The following PTPRE variants were observed in gnomAD, a reference collection of about 807,000 sequenced individuals.
PTPRE encodes the protein protein tyrosine phosphatase receptor type E.
In PTPRE, 51 loss-of-function variants were observed where a neutral mutation model predicts 102.0. The observed-to-expected ratio is 0.50, with a 90% confidence interval of 0.40 to 0.63. PTPRE has a LOEUF of 0.63. Among genes scored for constraint, PTPRE ranks in the 30% least tolerant of loss-of-function variants. PTPRE has a pLI of 0.00. For synonymous variants in PTPRE, 345 were observed against 348.2 expected (o/e 0.99, Z 0.10); for missense variants, 752 against 915.1 (o/e 0.82, Z 2.30).
At chr10:128,041,140 A>G (rs559386845) in intron 3 of PTPRE, 150 bp downstream of exon 3, 1 of 713,188 alleles carries the variant, frequency 1.4e-6, no homozygotes, top group African/African-American at 1.8e-5. Flanking sequence ...CTCTAAAAAC[A>G]GGCAGGCTAA....
intron 2 of PTPRE, among the ~76,000 whole-genome samples, chr10:127,985,038 C>G (rs1038454840): frequency 2.0e-5 from 3 of 152,200 alleles, no homozygotes; most frequent in African/African-American, 7.2e-5. Context: ...TTGTGGGATT[C>G]AGAGACGTGC....
intron 1 of PTPRE, among the ~76,000 whole-genome samples, chr10:127,969,809 G>A (rs778479318): frequency 7.9e-5 from 12 of 152,148 alleles, no homozygotes; most frequent in Non-Finnish European, 2.9e-5. Context: ...CATGGTGAAC[G>A]TGAACTCTGT....
chr10:127,984,878 T>C (rs1379711417), intron 2 of PTPRE, among the ~76,000 whole-genome samples: 1 of 152,204 alleles, frequency 6.6e-6, no homozygotes, highest in Non-Finnish European at 1.5e-5. Flanking sequence ...CTTGGGTATG[T>C]CTTTATCAGC....
At chr10:128,057,989 G>C (rs1472644016) in intron 7 of PTPRE, among the ~76,000 whole-genome samples, 1 of 152,230 alleles carries the variant, frequency 6.6e-6, no homozygotes, top group Non-Finnish European at 1.5e-5. Flanking sequence ...TACCTTAATT[G>C]AGTGGTTTTA....
At chr10:128,060,217 ACAC>A (rs547917154) in intron 7 of PTPRE, among the ~76,000 whole-genome samples, 19 of 150,248 alleles carry the variant, frequency 1.3e-4, no homozygotes, top group African/African-American at 4.7e-4. Flanking sequence ...CACCACACAC[ACAC>A]CACACATTAC....
chr10:128,065,410 G>A (rs939856327), intron 10 of PTPRE, among the ~76,000 whole-genome samples: 8 of 152,218 alleles, frequency 5.3e-5, no homozygotes, highest in African/African-American at 1.7e-4. Context: ...GGCAGGTGCT[G>A]CGGGCGGTGC....
chr10:127,967,938 T>C (rs773818402), intron 1 of PTPRE, among the ~76,000 whole-genome samples: 5 of 152,176 alleles, frequency 3.3e-5, no homozygotes, highest in Non-Finnish European at 7.3e-5. Flanking sequence ...ACCTACTATG[T>C]GCAAGGCCTT....
chr10:127,979,683 A>T (rs888975670), intron 1 of PTPRE, among the ~76,000 whole-genome samples: 2 of 152,178 alleles, frequency 1.3e-5, no homozygotes, highest in Non-Finnish European at 2.9e-5. Context: ...CTTATTTTTT[A>T]AAAATCAGCT....
intron 1 of PTPRE, among the ~76,000 whole-genome samples, chr10:127,961,018 CAA>C (rs5788882): frequency 3.6e-5 from 5 of 140,334 alleles, no homozygotes; most frequent in African/African-American, 2.7e-5. Flanking sequence ...CAGACTCTGT[CAA>C]AAAAAAAAAA....
intron 2 of PTPRE, among the ~76,000 whole-genome samples, chr10:128,001,226 G>A (rs1329120464): frequency 6.6e-6 from 1 of 152,130 alleles, no homozygotes; most frequent in East Asian, 1.9e-4. Flanking sequence ...GTGTGTGTGT[G>A]TACTATGTGT....
At chr10:128,015,970 G>A (rs1845391908) in intron 2 of PTPRE, among the ~76,000 whole-genome samples, 1 of 152,216 alleles carries the variant, frequency 6.6e-6, no homozygotes, top group South Asian at 2.1e-4. Flanking sequence ...GACACGAGCT[G>A]CGTGTTTCCA....
In PTPRE at chr10:127,977,272, G is replaced by T. The variant is rs139958931; in HGVS notation, c.-30-5002G>T. Among the ~76,000 whole-genome samples, 5 of 152,090 alleles carry T rather than the reference G, an allele frequency of 3.3e-5. No individual in the cohort carries two copies. The East Asian group carries it at 7.7e-4, about 23-fold the overall frequency. On this transcript the variant is annotated intron_variant, in intron 1 of 20. Transcript: ENST00000254667. The stretch of plus-strand genomic sequence containing the variant: ...GACTGCTTCAAGGTCAGTATCTCTG[G>T]CATTTAACTGCATGAAGTGGAGTTT...
intron 20 of PTPRE, among the ~76,000 whole-genome samples, chr10:128,080,981 A>T (rs986003342): frequency 6.6e-6 from 1 of 152,130 alleles, no homozygotes; most frequent in African/African-American, 2.4e-5. Flanking sequence ...GCTTCTGTTC[A>T]CAAGGAGTGT....
intron 1 of PTPRE, among the ~76,000 whole-genome samples, chr10:127,942,012 G>A (rs1340782257): frequency 6.6e-6 from 1 of 151,556 alleles, no homozygotes; most frequent in Non-Finnish European, 1.5e-5. Context: ...ATGTTTATCT[G>A]CAGAGCTGAA....
At chr10:128,014,271 T>C (rs899338156) in intron 2 of PTPRE, among the ~76,000 whole-genome samples, 2 of 152,192 alleles carry the variant, frequency 1.3e-5, no homozygotes, top group African/African-American at 4.8e-5. Flanking sequence ...TTCTCTGAGT[T>C]ATAAAATATG....
intron 20 of PTPRE, among the ~76,000 whole-genome samples, chr10:128,080,918 C>A (rs1265661613): frequency 1.3e-5 from 2 of 152,176 alleles, no homozygotes; most frequent in African/African-American, 4.8e-5. Flanking sequence ...CAACCAGGTG[C>A]CTTACAGATG....
At chr10:127,988,426 C>T (rs1318484827) in intron 2 of PTPRE, among the ~76,000 whole-genome samples, 3 of 151,856 alleles carry the variant, frequency 2.0e-5, no homozygotes, top group Non-Finnish European at 4.4e-5. Context: ...CTGCCTCTAC[C>T]TCCTGAGTAG....
chr10:127,957,882 A>G (rs1191555446), intron 1 of PTPRE, among the ~76,000 whole-genome samples: 2 of 152,210 alleles, frequency 1.3e-5, no homozygotes, highest in Admixed American at 1.3e-4. Flanking sequence ...CTTTCATCAG[A>G]GTTTTAATAT....
chr10:128,019,478 A>T (rs764526081), intron 2 of PTPRE, among the ~76,000 whole-genome samples: 2 of 152,224 alleles, frequency 1.3e-5, no homozygotes, highest in Non-Finnish European at 2.9e-5. Flanking sequence ...AGGACCGGAC[A>T]TGGCTCTAGG....
Sources: allele counts gnomAD v4.1 joint callset (sites outside exome capture counted in the v4.1 genomes callset), GRCh38; gene constraint gnomAD v4.1.1; transcripts MANE v1.5; gene names NCBI Gene and HGNC (gene_info 2026-07-23, HGNC 2026-07-21).